CSMD3: variants seen among roughly 807,000 people sequenced by gnomAD.
CSMD3 encodes CUB and sushi domain-containing protein 3.
CSMD3 carries 177 observed loss-of-function variants against 435.2 expected under a neutral mutation model. The observed-to-expected ratio is 0.41, with a 90% confidence interval of 0.36 to 0.46. The LOEUF (loss-of-function observed/expected upper bound fraction) is 0.46. Ranked by LOEUF, CSMD3 falls within the 20% of genes least tolerant of loss-of-function variation. The probability of loss-of-function intolerance (pLI) is 0.34; values close to 1 mark genes in which losing one functional copy is unlikely to be tolerated. For missense variants in CSMD3, 4,265 were observed against 4,504.6 expected, an observed-to-expected ratio of 0.95 and a Z score of 1.52; for synonymous variants, 1,656 against 1,520.5, an observed-to-expected ratio of 1.09 and a Z score of -2.07.
In CSMD3 at chr8:113,107,160, C is replaced by A. The variant is rs575495553; in HGVS notation, c.710-8197G>T. On this transcript the variant is annotated intron_variant, in intron 4 of 70. Transcript: ENST00000297405. ...TAAAAGGCACTACAGCAAAGAGCAT[C>A]ATGCAAGTCGCATCACACTGGGGGC... Among the ~76,000 whole-genome samples, 123 of 152,328 alleles carry A rather than the reference C, an allele frequency of 8.1e-4. 1 individual carries two copies. The highest frequency in any genetic ancestry group is 3.4e-3 in the Middle Eastern group (1 of 294).
chr8:112,648,699 G>A (rs1012050407), intron 19 of CSMD3, among the ~76,000 whole-genome samples: 2 of 152,140 alleles, frequency 1.3e-5, no homozygotes, highest in South Asian at 2.1e-4. Context: ...AAAGTTAAGC[G>A]TGTTGATGCG....
At chr8:113,416,838 T>C (rs1160673184) in intron 1 of CSMD3, among the ~76,000 whole-genome samples, 1 of 152,108 alleles carries the variant, frequency 6.6e-6, no homozygotes, top group Non-Finnish European at 1.5e-5. Flanking sequence ...TTTTGGTTAA[T>C]TTCCTCTTTA....
intron 59 of CSMD3, among the ~76,000 whole-genome samples, chr8:112,265,935 T>C (rs908286155): frequency 1.3e-5 from 2 of 152,154 alleles, no homozygotes; most frequent in Non-Finnish European, 2.9e-5. Flanking sequence ...ATTTCTAACA[T>C]AATATTTGAA....
At chr8:112,650,386 G>A (rs778070921) in intron 18 of CSMD3, 37 bp from the exon 19 acceptor site, 2 of 1,530,918 alleles carry the variant, frequency 1.3e-6, no homozygotes, top group Non-Finnish European at 1.8e-6. Context: ...GAGTAAGCTT[G>A]GTGGGATTTG....
Position 113,436,891 on chromosome 8 carries a change from G to A in CSMD3, c.-37C>T, listed in dbSNP as rs2130160703. The A allele has an allele frequency of 8.1e-6, 13 of 1,610,886 alleles. No homozygotes were observed. Among genetic ancestry groups the A allele is most frequent in the Non-Finnish European group, 1.1e-5 (13 of 1,178,348 alleles). On this transcript the variant is annotated 5_prime_UTR_variant, in exon 1 of 71. Coordinates refer to ENST00000297405, the MANE Select transcript of CSMD3 (RefSeq NM_198123.2). ...GCTCCTAATTCCTGCTCCTCAGCCC[G>A]GCGCAGTGGAGTTGTTGCTGTTGTT...
chr8:112,323,344 A>G (rs1823179556), intron 45 of CSMD3, among the ~76,000 whole-genome samples: 1 of 152,032 alleles, frequency 6.6e-6, no homozygotes, highest in South Asian at 2.1e-4. Flanking sequence ...TGCTGCCAAT[A>G]TCTCAGTCTA....
chr8:112,960,291 G>T (rs542544649), intron 7 of CSMD3, among the ~76,000 whole-genome samples: 2 of 151,238 alleles, frequency 1.3e-5, no homozygotes, highest in South Asian at 2.1e-4. Flanking sequence ...CTTAGACAAA[G>T]AAAAATCAAG....
intron 1 of CSMD3, among the ~76,000 whole-genome samples, chr8:113,315,293 C>G (rs993329074): frequency 9.9e-5 from 15 of 152,088 alleles, no homozygotes; most frequent in African/African-American, 3.6e-4. Context: ...GAAAATCTGT[C>G]TCACCCTGAT....
intron 13 of CSMD3, among the ~76,000 whole-genome samples, chr8:112,708,203 A>G (rs1341336841): frequency 6.6e-6 from 1 of 152,058 alleles, no homozygotes; most frequent in Non-Finnish European, 1.5e-5. Context: ...AATGAAAAGG[A>G]CTTTTGTATA....
At chr8:112,819,175 G>A (rs897328973) in intron 12 of CSMD3, among the ~76,000 whole-genome samples, 4 of 152,010 alleles carry the variant, frequency 2.6e-5, no homozygotes, top group Non-Finnish European at 5.9e-5. Flanking sequence ...CGGGTGGACC[G>A]TTTGAACATG....
intron 62 of CSMD3, 29 bp from the exon 63 acceptor site, chr8:112,254,355 C>G (rs2130260024): frequency 1.1e-5 from 17 of 1,492,690 alleles, no homozygotes; most frequent in Non-Finnish European, 1.6e-5. Flanking sequence ...AGATATTAGT[C>G]CTTTAAAATT....
At chr8:112,791,824 C>T (rs912170735) in intron 13 of CSMD3, among the ~76,000 whole-genome samples, 2 of 152,086 alleles carry the variant, frequency 1.3e-5, no homozygotes, top group African/African-American at 4.8e-5. Context: ...ATGGTTATAC[C>T]ATTTTTATCT....
rs924195983 is a variant in CSMD3, at chr8:113,044,586, A to G, written c.918-25407T>C. ...CCAAAAATTTAGTCATTTCCTTAAA[A>G]TTTAGTGGATTCTTATATGCCTTAT... On this transcript the variant is annotated intron_variant, in intron 5 of 70. Coordinates refer to ENST00000297405, the MANE Select transcript of CSMD3 (RefSeq NM_198123.2). 1.1e-4 allele frequency among the ~76,000 whole-genome samples: 17 copies of G among 149,166 alleles called. 1 individual carries two copies. Among genetic ancestry groups the G allele is most frequent in the Non-Finnish European group, 2.4e-4 (16 of 66,206 alleles).
chr8:112,281,758 T>C (rs976240346), intron 58 of CSMD3, among the ~76,000 whole-genome samples: 2 of 152,156 alleles, frequency 1.3e-5, no homozygotes, highest in East Asian at 1.9e-4. Context: ...ATTACATTTA[T>C]ATTTCAGAAA....
intron 11 of CSMD3, among the ~76,000 whole-genome samples, chr8:112,841,933 T>C (rs2080188848): frequency 6.6e-6 from 1 of 151,844 alleles, no homozygotes; most frequent in Non-Finnish European, 1.5e-5. Flanking sequence ...ATTACACACA[T>C]TTTTACACTT....
At chr8:112,891,678 T>G (rs1379732688) in intron 10 of CSMD3, among the ~76,000 whole-genome samples, 1 of 151,584 alleles carries the variant, frequency 6.6e-6, no homozygotes. Context: ...GTATGACATT[T>G]TCAGACTTGC....
At chr8:113,178,095 T>C (rs1019283561) in intron 3 of CSMD3, among the ~76,000 whole-genome samples, 1 of 151,968 alleles carries the variant, frequency 6.6e-6, no homozygotes, top group African/African-American at 2.4e-5. Flanking sequence ...TAGTTAATAC[T>C]ACAGCATGTC....
intron 5 of CSMD3, among the ~76,000 whole-genome samples, chr8:113,051,387 T>C (rs2088085199): frequency 1.3e-5 from 2 of 152,168 alleles, no homozygotes; most frequent in Non-Finnish European, 2.9e-5. Flanking sequence ...TCAAATTATA[T>C]ATACATTTCA....
chr8:112,498,616 G>C (rs963795925), intron 30 of CSMD3, among the ~76,000 whole-genome samples: 2 of 152,058 alleles, frequency 1.3e-5, no homozygotes, highest in African/African-American at 4.8e-5. Context: ...TACTCTTGCT[G>C]CAACTTTTAT....
Sources: gnomAD v4.1 joint callset for allele counts (sites outside exome capture counted in the v4.1 genomes callset) on GRCh38, gnomAD v4.1.1 for gene constraint, MANE v1.5 for transcripts, NCBI Gene and HGNC (gene_info 2026-07-23, HGNC 2026-07-21) for gene names.